Variants in CFAP74 observed in about 807,000 individuals in gnomAD.
CFAP74 encodes the protein cilia and flagella associated protein 74.
A neutral mutation model predicts 188.9 loss-of-function variants in CFAP74; 124 were observed. The ratio of observed to expected loss-of-function variants is 0.66; its 90% CI spans 0.57 to 0.76. The LOEUF (loss-of-function observed/expected upper bound fraction) is 0.76, where lower values mean the gene tolerates loss of function less well. Ranked by LOEUF, CFAP74 falls within the 30% of genes least tolerant of loss-of-function variation. The pLI, the probability that CFAP74 is intolerant of heterozygous loss-of-function variation, is 0.00. For synonymous variants in CFAP74, 956 were observed against 916.7 expected (o/e 1.04, Z -0.77); for missense variants, 2,198 against 2,165.2 (o/e 1.02, Z -0.30).
At chr1:1,924,366 C>A in intron 34 of CFAP74, 25 bp downstream of exon 34, 1 of 487,590 alleles carries the variant, frequency 2.1e-6, no homozygotes, top group Non-Finnish European at 3.0e-6. Flanking sequence ...CGCAGCTCAC[C>A]ACCCACCCCC....
intron 1 of CFAP74, among the ~76,000 whole-genome samples, chr1:1,996,914 C>T (rs1657942133): frequency 9.1e-6 from 1 of 110,056 alleles, no homozygotes; most frequent in African/African-American, 3.9e-5. Context: ...GAGCAAGACT[C>T]TGTCTCAAAA....
intron 15 of CFAP74, 116 bp downstream of exon 15, chr1:1,959,848 C>T: frequency 1.2e-6 from 1 of 837,430 alleles, no homozygotes; most frequent in Non-Finnish European, 1.8e-6. Context: ...CTGCGTGATC[C>T]TCACTGAGAG....
At chr1:1,995,895 G>A (rs1392960624) in intron 1 of CFAP74, among the ~76,000 whole-genome samples, 1 of 152,096 alleles carries the variant, frequency 6.6e-6, no homozygotes, top group Non-Finnish European at 1.5e-5. Context: ...GCGACAGAGC[G>A]AGACTCCGTC....
rs1653440066 is a variant in CFAP74, at chr1:1,942,339, G to A, written c.2487-183C>T. On this transcript the variant is annotated intron_variant, in intron 21 of 38. Transcript: ENST00000682832. This position sits in a 1 kb window ranked among gnomAD's most constrained non-coding sequence, Gnocchi z 4.3. The stretch of plus-strand genomic sequence containing the variant: ...AGTCCTCAAAGCCCTGCTTTGTAAG[G>A]GCTGTTTTTTCTGAAATGAAATCTG... Among the ~76,000 whole-genome samples, 1 of 152,278 alleles carries A rather than the reference G, an allele frequency of 6.6e-6. No homozygotes were observed.
Position 1,966,537 on chromosome 1 carries a change from G to A in CFAP74, c.1246-11C>T. On this transcript the variant is annotated splice_polypyrimidine_tract_variant and intron_variant, in intron 11 of 38. Coordinates refer to ENST00000682832, the MANE Select transcript of CFAP74 (RefSeq NM_001304360.2). ...AGCAGCCTCGTAGTCCTGCAGTCGGGGAGAGGAACATCGCAAAGACACGCT... is the reference window on the plus strand; with the variant it reads ...AGCAGCCTCGTAGTCCTGCAGTCGGAGAGAGGAACATCGCAAAGACACGCT... The A allele has an allele frequency of 1.3e-6, 2 of 1,524,886 alleles. No individual in the cohort carries two copies. Among genetic ancestry groups the A allele is most frequent in the Non-Finnish European group, 1.8e-6 (2 of 1,132,544 alleles). 94.5% of individuals were successfully genotyped at this position (1,524,886 alleles called of 1,614,324 possible). A position where few individuals can be genotyped will look rare whatever the true frequency, so the allele number is the denominator to read the frequency against.
In CFAP74 at chr1:1,940,359, G is replaced by A. The variant is rs1407346513; in HGVS notation, c.2660C>T (p.Thr887Ile). ...GGTCATCGGGGCCTCCAGGACTCGG[G>A]TCTCCTTGTCAAAATACCTCCCTGC... ...EDAGRYFDKE[T>I]RVLEAPMTIW... is the part of the protein sequence containing the mutation. The change falls in exon 23 of 39, where the codon ACC becomes ATC. Residue 887 changes from threonine to isoleucine, a missense_variant. Thr to Ile is a moderately conservative substitution (Grantham distance 89, BLOSUM62 -1). Coordinates refer to ENST00000682832, the MANE Select transcript of CFAP74 (RefSeq NM_001304360.2). 2.6e-6 allele frequency: 4 copies of A among 1,535,518 alleles called. No homozygotes were observed. Among genetic ancestry groups the A allele is most frequent in the Admixed American group, 3.9e-5 (2 of 50,894 alleles).
At chr1:1,931,743 C>CA (rs34088299) in intron 25 of CFAP74, among the ~76,000 whole-genome samples, 1,241 of 76,638 alleles carry the variant, frequency 0.016, 11 homozygotes, top group East Asian at 0.042. Flanking sequence ...GTCTCTGTCT[C>CA]AAAAAAAAAA....
rs566126731 is a variant in CFAP74, at chr1:1,974,110, G to A, written c.589C>T (p.Arg197Trp). The A allele has an allele frequency of 3.5e-5, 57 of 1,612,138 alleles. No individual in the cohort carries two copies. Among genetic ancestry groups the A allele is most frequent in the Middle Eastern group, 1.7e-4 (1 of 6,040 alleles). Residue 197 changes from arginine to tryptophan, a missense_variant, in exon 7 of 39, where the codon CGG (arginine) becomes TGG (tryptophan). Transcript: ENST00000682832. The part of the protein sequence containing the change: ...DREEVEATGR[R>W]LQVRAAEQLC... Reference sequence around the variant, plus strand: ...TGCTCGGCTGCGCGCACCTGGAGCCGCCGCCCCGTGGCCTCCACCTCCTCA... The same window carrying A: ...TGCTCGGCTGCGCGCACCTGGAGCCACCGCCCCGTGGCCTCCACCTCCTCA...
At chr1:1,944,224 A>AC in intron 21 of CFAP74, 107 bp downstream of exon 21, 1 of 1,459,232 alleles carries the variant, frequency 6.9e-7, no homozygotes. Context: ...TGCGTGGGTC[A>AC]CCCCGTGTGC....
chr1:1,941,692 G>A (rs765769824), intron 22 of CFAP74, among the ~76,000 whole-genome samples: 5 of 152,192 alleles, frequency 3.3e-5, no homozygotes, highest in Non-Finnish European at 4.4e-5. Context: ...TATCCCGGCA[G>A]GTAGCAGACC....
Position 1,922,212 on chromosome 1 carries a change from A to C in CFAP74, c.*75T>G. ...ATGGCCAGGTCCCAGGCTCTAGGGT[A>C]GTATGACCTGGCCCTCAGCCTGGGG... On this transcript the variant is annotated 3_prime_UTR_variant, in exon 39 of 39. Coordinates refer to ENST00000682832, the MANE Select transcript of CFAP74 (RefSeq NM_001304360.2). 2 of 1,082,782 alleles carry C rather than the reference A, an allele frequency of 1.8e-6. No individual in the cohort carries two copies. Among genetic ancestry groups the C allele is most frequent in the Non-Finnish European group, 2.8e-6 (2 of 717,752 alleles). The allele number at this position is 1,082,782 out of a possible 1,614,324, so 67.1% of individuals were successfully genotyped here. A position where few individuals can be genotyped will look rare whatever the true frequency, so the allele number is the denominator to read the frequency against.
intron 14 of CFAP74, among the ~76,000 whole-genome samples, 176 bp downstream of exon 14, chr1:1,963,573 C>T (rs1004282468): frequency 4.0e-5 from 6 of 151,670 alleles, no homozygotes; most frequent in East Asian, 1.9e-4. Context: ...GGCTCGGTCT[C>T]GGACGACTTT....
intron 14 of CFAP74, among the ~76,000 whole-genome samples, chr1:1,960,355 C>T (rs765128008): frequency 5.3e-5 from 8 of 152,260 alleles, no homozygotes; most frequent in Non-Finnish European, 8.8e-5. Flanking sequence ...TTCCCCTGGG[C>T]ACAGGTGCCA....
chr1:1,964,210 G>A (rs965866871), intron 13 of CFAP74, among the ~76,000 whole-genome samples: 2 of 152,218 alleles, frequency 1.3e-5, no homozygotes, highest in African/African-American at 4.8e-5. Context: ...GTCAAATACA[G>A]GAGCCCACAG....
Position 1,927,031 on chromosome 1 carries a change from AGAAG to A in CFAP74, c.3528-7_3528-4del. The A allele has an allele frequency of 1.3e-6, 2 of 1,550,160 alleles. No individual in the cohort carries two copies. Among genetic ancestry groups the A allele is most frequent in the Non-Finnish European group, 1.7e-6 (2 of 1,146,834 alleles). ...GGGCGGCCTGGTACTCGTCGGAACTAGAAGGAAGTCAGAGGCTTGCGCTCCCGCC... is the reference window on the plus strand; with the variant it reads ...GGGCGGCCTGGTACTCGTCGGAACTAGAAGTCAGAGGCTTGCGCTCCCGCC... On this transcript the variant is annotated splice_region_variant and splice_polypyrimidine_tract_variant and intron_variant, in intron 28 of 38. Transcript: ENST00000682832.
rs1173886185 is a variant in CFAP74, at chr1:1,985,309, T to G, written c.500+77A>C. The G allele has an allele frequency of 9.4e-6, 12 of 1,272,932 alleles. No individual in the cohort carries two copies. In the East Asian group the frequency reaches 2.8e-4, roughly 30 times the overall value. 78.9% of individuals were successfully genotyped at this position (1,272,932 alleles called of 1,614,324 possible). On this transcript the variant is annotated intron_variant, in intron 6 of 38. Transcript: ENST00000682832. Reference sequence around the variant, plus strand: ...AGGTGCAAAACCCCCCAGATCTTGCTCTCTGCCCCCAGATGGGAAGGACTC... The same window carrying G: ...AGGTGCAAAACCCCCCAGATCTTGCGCTCTGCCCCCAGATGGGAAGGACTC...
intron 27 of CFAP74, among the ~76,000 whole-genome samples, chr1:1,928,449 C>T (rs1652093199): frequency 1.3e-5 from 2 of 152,334 alleles, no homozygotes; most frequent in East Asian, 1.9e-4. Context: ...CTGCAGGACA[C>T]TCCGTGTTTC....
chr1:1,968,911 G>T lies in CFAP74; in HGVS notation c.1047-78C>A, dbSNP rs78208385. On this transcript the variant is annotated intron_variant, in intron 10 of 38. Transcript: ENST00000682832. The surrounding 1 kb of genome is among the most constrained non-coding windows in gnomAD (Gnocchi z 4.3). Reference sequence around the variant, plus strand: ...GCCCCAGATGAGACAGTGCCCGGCGGCCCCTCCCTAGCGCCCTCCTGGGGG... The same window carrying T: ...GCCCCAGATGAGACAGTGCCCGGCGTCCCCTCCCTAGCGCCCTCCTGGGGG... 0.021 allele frequency: 28,815 copies of T among 1,401,276 alleles called. 2,369 individuals are homozygous for T. In the African/African-American group the frequency reaches 0.23, roughly 11 times the overall value. 86.8% of individuals were successfully genotyped at this position (1,401,276 alleles called of 1,614,324 possible).
chr1:1,939,877 T>C, intron 23 of CFAP74, 110 bp from the exon 24 acceptor site: 1 of 1,064,686 alleles, frequency 9.4e-7, no homozygotes, highest in Non-Finnish European at 1.4e-6. Context: ...TGGCCCACTG[T>C]TTCCAGGACA....
Sources: gnomAD v4.1 joint callset for allele counts (sites outside exome capture counted in the v4.1 genomes callset) on GRCh38, gnomAD v4.1.1 for gene constraint, Gnocchi (gnomAD v3.1) non-coding constraint, MANE v1.5 for transcripts, NCBI Gene and HGNC (gene_info 2026-07-23, HGNC 2026-07-21) for gene names.